PRIM2: variants seen among roughly 807,000 people sequenced by gnomAD.
PRIM2 encodes the protein DNA primase subunit 2.
Under a neutral mutation model 67.3 loss-of-function variants are expected in PRIM2, and 39 were observed. The observed-to-expected ratio is 0.58, with a 90% CI of 0.45 to 0.76. The LOEUF is 0.76. Ranked by LOEUF, PRIM2 falls within the 30% of genes least tolerant of loss-of-function variation. The probability of loss-of-function intolerance (pLI) is 0.00; values close to 1 mark genes in which losing one functional copy is unlikely to be tolerated. For missense variants in PRIM2, 398 were observed against 598.7 expected, an observed-to-expected ratio of 0.66 and a Z score of 3.50; for synonymous variants, 143 against 198.7, an observed-to-expected ratio of 0.72 and a Z score of 2.36.
At chr6:57,479,766 T>C (rs1773570043) in intron 7 of PRIM2, among the ~76,000 whole-genome samples, 1 of 152,242 alleles carries the variant, frequency 6.6e-6, no homozygotes, top group Non-Finnish European at 1.5e-5. Flanking sequence ...TTGTGGTTTT[T>C]TGGTTGTTGT....
chr6:57,518,210 A>G (rs1200137923), intron 8 of PRIM2, among the ~76,000 whole-genome samples: 6 of 152,228 alleles, frequency 3.9e-5, no homozygotes, highest in African/African-American at 7.2e-5. Flanking sequence ...GACTTACTGC[A>G]TACATACAAT....
the PRIM2 span, among the ~76,000 whole-genome samples, chr6:57,240,913 A>G: frequency 6.6e-6 from 1 of 151,912 alleles, no homozygotes; most frequent in African/African-American, 2.4e-5. Flanking sequence ...ACACAGCAAG[A>G]CCTCATCTCT....
the PRIM2 span, among the ~76,000 whole-genome samples, chr6:57,276,176 G>T: frequency 7.2e-5 from 11 of 152,130 alleles, no homozygotes; most frequent in Non-Finnish European, 1.3e-4. Context: ...GATCAGCTGA[G>T]GTTGGGAGTT....
chr6:57,460,062 T>C (rs1772948941), intron 7 of PRIM2, among the ~76,000 whole-genome samples: 1 of 152,136 alleles, frequency 6.6e-6, no homozygotes, highest in African/African-American at 2.4e-5. Context: ...TTCTCCATGC[T>C]TTTTCAGTAC....
At chr6:57,466,339 T>C (rs1581935782) in intron 7 of PRIM2, among the ~76,000 whole-genome samples, 1 of 152,246 alleles carries the variant, frequency 6.6e-6, no homozygotes, top group Admixed American at 6.5e-5. Flanking sequence ...ATATACCCAG[T>C]AATGGGATCG....
the PRIM2 span, among the ~76,000 whole-genome samples, chr6:57,308,880 T>A: frequency 5.7e-4 from 87 of 152,112 alleles, no homozygotes; most frequent in East Asian, 9.6e-4. Context: ...TTCTTTTTTT[T>A]AATTTTACTT....
chr6:57,544,733 A>C (rs1378538274), intron 10 of PRIM2, among the ~76,000 whole-genome samples: 1 of 152,182 alleles, frequency 6.6e-6, no homozygotes, highest in Non-Finnish European at 1.5e-5. Flanking sequence ...TACAATTAGA[A>C]TGTAAACTAT....
At chr6:57,226,183 A>C in the PRIM2 span, among the ~76,000 whole-genome samples, 2 of 152,348 alleles carry the variant, frequency 1.3e-5, no homozygotes, top group African/African-American at 4.8e-5. Context: ...AAGTATACAA[A>C]TACACACATA....
At chr6:57,329,404 T>C (rs539159989) in intron 5 of PRIM2, among the ~76,000 whole-genome samples, 1 of 152,264 alleles carries the variant, frequency 6.6e-6, no homozygotes, top group African/African-American at 2.4e-5. Context: ...AACCATTCTT[T>C]CCTCATTGAA....
intron 7 of PRIM2, among the ~76,000 whole-genome samples, chr6:57,428,203 T>C (rs1274818728): frequency 6.6e-6 from 1 of 152,226 alleles, no homozygotes; most frequent in Non-Finnish European, 1.5e-5. Context: ...AGAAATGTGT[T>C]AAACCTGTCA....
At chr6:57,641,957 A>G (rs1178334990) in intron 13 of PRIM2, among the ~76,000 whole-genome samples, 1 of 152,230 alleles carries the variant, frequency 6.6e-6, no homozygotes, top group Non-Finnish European at 1.5e-5. Context: ...CATTGTTCAC[A>G]ATAGCAAAGA....
At chr6:57,645,164 G>A (rs1777312252) in intron 13 of PRIM2, among the ~76,000 whole-genome samples, 1 of 151,950 alleles carries the variant, frequency 6.6e-6, no homozygotes, top group Non-Finnish European at 1.5e-5. Context: ...TGGTATCAGG[G>A]ACCAGTATCA....
intron 7 of PRIM2, among the ~76,000 whole-genome samples, chr6:57,419,186 T>C (rs1419970417): frequency 1.3e-5 from 2 of 151,856 alleles, no homozygotes; most frequent in African/African-American, 4.8e-5. Flanking sequence ...ACAGTGAGGA[T>C]AGGAGGGAGG....
the PRIM2 span, among the ~76,000 whole-genome samples, chr6:57,271,186 T>C: frequency 6.6e-6 from 1 of 152,238 alleles, no homozygotes; most frequent in African/African-American, 2.4e-5. Flanking sequence ...TTCATTGGAC[T>C]AGTTTCAGAA....
intron 7 of PRIM2, among the ~76,000 whole-genome samples, chr6:57,492,851 CT>C (rs1159384379): frequency 6.6e-6 from 1 of 152,160 alleles, no homozygotes; most frequent in Admixed American, 6.5e-5. Flanking sequence ...AACTTAAGAA[CT>C]GCCTTTAAGA....
chr6:57,499,967 C>T (rs1312152826), intron 7 of PRIM2, among the ~76,000 whole-genome samples: 8 of 152,192 alleles, frequency 5.3e-5, no homozygotes, highest in Non-Finnish European at 1.2e-4. Flanking sequence ...TATTTAGTTA[C>T]CTCTTAGTTA....
chr6:57,444,344 G>A lies in PRIM2; in HGVS notation c.693+62176G>A, dbSNP rs370714674. On this transcript the variant is annotated intron_variant, in intron 7 of 13. Coordinates refer to ENST00000615550, the MANE Select transcript of PRIM2 (RefSeq NM_000947.5). ...AGCACTTTGGAAGGCCGAGGCGGGCGGATCACTAGGTCAAGAGTTCGAGAC... is the reference window on the plus strand; with the variant it reads ...AGCACTTTGGAAGGCCGAGGCGGGCAGATCACTAGGTCAAGAGTTCGAGAC... Among the ~76,000 whole-genome samples, 194 of 152,104 alleles carry A rather than the reference G, an allele frequency of 1.3e-3. 5 individuals are homozygous for A. The East Asian group carries it at 0.016, about 13-fold the overall frequency.
intron 7 of PRIM2, among the ~76,000 whole-genome samples, chr6:57,471,831 T>C (rs1773343251): frequency 6.6e-6 from 1 of 152,210 alleles, no homozygotes; most frequent in Admixed American, 6.5e-5. Flanking sequence ...TGTGTAGCAA[T>C]AACAGTTTAT....
chr6:57,333,548 C>G (rs1394495424), intron 5 of PRIM2, among the ~76,000 whole-genome samples: 2 of 152,022 alleles, frequency 1.3e-5, no homozygotes, highest in African/African-American at 4.8e-5. Flanking sequence ...AGATTTGATT[C>G]TTCAGTTAGA....
Sources: gnomAD v4.1 joint callset for allele counts (sites outside exome capture counted in the v4.1 genomes callset) on GRCh38, gnomAD v4.1.1 for gene constraint, MANE v1.5 for transcripts, NCBI Gene and HGNC (gene_info 2026-07-23, HGNC 2026-07-21) for gene names.